EBF3: variants seen among roughly 807,000 people sequenced by gnomAD.
EBF3 encodes EBF transcription factor 3.
In EBF3, 18 loss-of-function variants were observed where a neutral mutation model predicts 77.1. The observed-to-expected ratio is 0.23, with a 90% CI of 0.16 to 0.35. EBF3 has a LOEUF of 0.35. Ranked by LOEUF, EBF3 falls within the 10% of genes least tolerant of loss-of-function variation. EBF3 has a pLI of 1.00. For missense variants in EBF3, 558 were observed against 860.0 expected, an observed-to-expected ratio of 0.65 and a Z score of 4.39; for synonymous variants, 350 against 343.5, an observed-to-expected ratio of 1.02 and a Z score of -0.21.
intron 4 of EBF3, among the ~76,000 whole-genome samples, chr10:129,961,745 G>A (rs1859538204): frequency 6.6e-6 from 1 of 152,024 alleles, no homozygotes; most frequent in Admixed American, 6.6e-5. Flanking sequence ...CATCACACTG[G>A]AAAGGAGAAA....
rs151111953 is a variant in EBF3 at position 129,856,980 on chromosome 10, T to TA, written c.1040-8501dup. Among the ~76,000 whole-genome samples, 307 of 152,244 alleles carry TA rather than the reference T, an allele frequency of 2.0e-3. 8 individuals carry two copies. The East Asian group carries it at 0.043, about 21-fold the overall frequency. On this transcript the variant is annotated intron_variant, in intron 10 of 16. Coordinates refer to ENST00000440978, the MANE Select transcript of EBF3 (RefSeq NM_001375380.1). ...AATAAAGATGTGTCCAGTGCCTGTG[T>TA]AAAAGCACAGGGCTCCGCACAGGTG...
rs767692640 is a variant in EBF3, at chr10:129,963,589, CGGGCCG to C, written c.134+40_134+45del. ...CGCCGGCCGGCGGAGGGGGCCGGGCCGGGCCGGGGCCGGGGCCAGGGCGCGCGGGGG... is the reference window on the plus strand; with the variant it reads ...CGCCGGCCGGCGGAGGGGGCCGGGCCGGGCCGGGGCCAGGGCGCGCGGGGG... On this transcript the variant is annotated intron_variant, in intron 1 of 16. Coordinates refer to ENST00000440978, the MANE Select transcript of EBF3 (RefSeq NM_001375380.1). This position sits in a 1 kb window ranked among gnomAD's most constrained non-coding sequence, Gnocchi z 7.1. 6 of 1,234,458 alleles carry C rather than the reference CGGGCCG, an allele frequency of 4.9e-6. No homozygotes were observed. The highest frequency in any genetic ancestry group is 1.6e-5 in the African/African-American group (1 of 61,586). 76.5% of individuals were successfully genotyped at this position (1,234,458 alleles called of 1,614,324 possible).
At chr10:129,896,059 T>C (rs1854348696) in intron 6 of EBF3, among the ~76,000 whole-genome samples, 4 of 150,328 alleles carry the variant, frequency 2.7e-5, no homozygotes, top group Non-Finnish European at 5.9e-5. Context: ...AGTATGACTT[T>C]AATTAGCAAA....
chr10:129,932,212 G>T (rs1172693915), intron 6 of EBF3, among the ~76,000 whole-genome samples: 2 of 152,242 alleles, frequency 1.3e-5, no homozygotes, highest in African/African-American at 4.8e-5. Flanking sequence ...AGGTATTATT[G>T]TTGCTTTCAT....
At chr10:129,840,821 G>T in intron 14 of EBF3, 23 bp downstream of exon 14, 1 of 1,604,484 alleles carries the variant, frequency 6.2e-7, no homozygotes, top group Non-Finnish European at 8.5e-7. Flanking sequence ...GCGTGATGAC[G>T]TGTGACAAAA....
chr10:129,852,684 G>A (rs1372908273), intron 10 of EBF3, among the ~76,000 whole-genome samples: 2 of 152,172 alleles, frequency 1.3e-5, no homozygotes, highest in Non-Finnish European at 2.9e-5. Flanking sequence ...AAGGGGACAC[G>A]TTCAGTACTT....
chr10:129,962,047 C>T, intron 4 of EBF3, 124 bp downstream of exon 4: 3 of 828,838 alleles, frequency 3.6e-6, no homozygotes, highest in South Asian at 3.3e-5. Flanking sequence ...TTCTCATTAG[C>T]ATGTCAAGGA....
In EBF3 at chr10:129,885,213, G is replaced by C. The variant is rs1367521436; in HGVS notation, c.555-7364C>G. Among the ~76,000 whole-genome samples, 4 of 152,164 alleles carry C rather than the reference G, an allele frequency of 2.6e-5. No homozygotes were observed. Among genetic ancestry groups the C allele is most frequent in the African/African-American group, 9.7e-5 (4 of 41,414 alleles). Reference sequence around the variant, plus strand: ...CATTAAAATGATGCCAAAGAGATCTGATGGGATTTAATGGCTTTGCCGGCC... The same window carrying C: ...CATTAAAATGATGCCAAAGAGATCTCATGGGATTTAATGGCTTTGCCGGCC... On this transcript the variant is annotated intron_variant, in intron 6 of 16. Transcript: ENST00000440978. This position sits in a 1 kb window ranked among gnomAD's most constrained non-coding sequence, Gnocchi z 4.0.
chr10:129,893,082 T>A (rs186078843), intron 6 of EBF3, among the ~76,000 whole-genome samples: 6 of 152,336 alleles, frequency 3.9e-5, no homozygotes, highest in Middle Eastern at 3.4e-3. Flanking sequence ...CCTATGACAA[T>A]AATTGATTGT....
intron 8 of EBF3, among the ~76,000 whole-genome samples, chr10:129,868,646 T>G (rs1589747769): frequency 6.6e-6 from 1 of 150,754 alleles, no homozygotes; most frequent in Non-Finnish European, 1.5e-5. Context: ...AGAAGGAGGG[T>G]GCAGGGGGGA....
intron 6 of EBF3, among the ~76,000 whole-genome samples, chr10:129,925,034 G>A: frequency 6.6e-6 from 1 of 152,172 alleles, no homozygotes; most frequent in African/African-American, 2.4e-5. Context: ...AGCCACCCAA[G>A]TATCCATCAA....
At chr10:129,894,902 T>G (rs1854262811) in intron 6 of EBF3, among the ~76,000 whole-genome samples, 1 of 152,254 alleles carries the variant, frequency 6.6e-6, no homozygotes, top group South Asian at 2.1e-4. Flanking sequence ...GACTTCCTAC[T>G]CAGGCTGGCA....
At chr10:129,927,070 GT>G (rs1306614123) in intron 6 of EBF3, among the ~76,000 whole-genome samples, 1 of 152,178 alleles carries the variant, frequency 6.6e-6, no homozygotes, top group Non-Finnish European at 1.5e-5. Flanking sequence ...GGCTTGTTTT[GT>G]TTTTAGCAAA....
chr10:129,904,733 T>TATCCATCCATCC (rs140472832), intron 6 of EBF3, among the ~76,000 whole-genome samples: 120 of 151,852 alleles, frequency 7.9e-4, no homozygotes, highest in Admixed American at 6.4e-3. Flanking sequence ...TAGATCTCTC[T>TATCCATCCATCC]ATCCATCCAT....
At chr10:129,956,701 G>T (rs1241272794) in intron 6 of EBF3, among the ~76,000 whole-genome samples, 1 of 152,132 alleles carries the variant, frequency 6.6e-6, no homozygotes, top group African/African-American at 2.4e-5. Context: ...ACCAGCATGT[G>T]TAATTAGTTT....
At chr10:129,875,187 CTTTTTTTT>C (rs1193539598) in intron 7 of EBF3, among the ~76,000 whole-genome samples, 9 of 92,936 alleles carry the variant, frequency 9.7e-5, no homozygotes, top group South Asian at 8.1e-4. Context: ...ATGGCTTCTT[CTTTTTTTT>C]TTTTTTTTTT....
chr10:129,917,198 AT>A (rs1476512242), intron 6 of EBF3, among the ~76,000 whole-genome samples: 1 of 152,042 alleles, frequency 6.6e-6, no homozygotes, highest in African/African-American at 2.4e-5. Context: ...GCGAAACCCC[AT>A]CTCTACTAAA....
chr10:129,930,658 T>A (rs1326854661), intron 6 of EBF3, among the ~76,000 whole-genome samples: 1 of 148,712 alleles, frequency 6.7e-6, no homozygotes, highest in Non-Finnish European at 1.5e-5. Context: ...CCCCCTCTCA[T>A]ATATCTATAT....
At chr10:129,955,672 G>T (rs1858982951) in intron 6 of EBF3, among the ~76,000 whole-genome samples, 2 of 152,192 alleles carry the variant, frequency 1.3e-5, no homozygotes, top group African/African-American at 4.8e-5. Context: ...AATCCAAAGT[G>T]ATTTTGAAGG....
Sources: allele counts gnomAD v4.1 joint callset (sites outside exome capture counted in the v4.1 genomes callset), GRCh38; gene constraint gnomAD v4.1.1; non-coding constraint Gnocchi (gnomAD v3.1); transcripts MANE v1.5; gene names NCBI Gene and HGNC (gene_info 2026-07-23, HGNC 2026-07-21).